The following DLG2 variants were observed in gnomAD, a reference collection of about 807,000 sequenced individuals.
DLG2 encodes the protein discs large MAGUK scaffold protein 2.
In DLG2, 45 loss-of-function variants were observed where a neutral mutation model predicts 132.5. The observed-to-expected ratio is 0.34, with a 90% CI of 0.27 to 0.44. The LOEUF (loss-of-function observed/expected upper bound fraction) is 0.44, where lower values mean the gene tolerates loss of function less well. DLG2 is among the 20% of genes least tolerant of loss of function. The pLI is 1.00. For missense variants in DLG2, 1,045 were observed against 1,196.9 expected (o/e 0.87, Z 1.87); for synonymous variants, 424 against 419.6 (o/e 1.01, Z -0.13).
At chr11:85,553,278 A>G (rs1161321947) in intron 3 of DLG2, among the ~76,000 whole-genome samples, 1 of 151,720 alleles carries the variant, frequency 6.6e-6, no homozygotes, top group African/African-American at 2.4e-5. Context: ...ATAAATACTT[A>G]TTAGGTACTT....
At chr11:85,469,161 TC>T (rs1197181829) in intron 3 of DLG2, among the ~76,000 whole-genome samples, 7 of 152,222 alleles carry the variant, frequency 4.6e-5, no homozygotes, top group African/African-American at 1.4e-4. Context: ...TCCTATCAGC[TC>T]CTCATTCTAA....
intron 15 of DLG2, among the ~76,000 whole-genome samples, chr11:83,885,720 G>T (rs1471509712): frequency 6.6e-6 from 1 of 152,202 alleles, no homozygotes; most frequent in Non-Finnish European, 1.5e-5. Flanking sequence ...TACCCACAAA[G>T]GGAAGCCCAT....
At chr11:84,667,480 T>G (rs36037373) in intron 6 of DLG2, among the ~76,000 whole-genome samples, 31,521 of 76,820 alleles carry the variant, frequency 0.41, 3,707 homozygotes, top group East Asian at 0.55. Context: ...TTTTTTTTGT[T>G]TTTGTTTTTT....
intron 6 of DLG2, among the ~76,000 whole-genome samples, chr11:85,049,345 G>A (rs1346272394): frequency 6.6e-6 from 1 of 151,970 alleles, no homozygotes; most frequent in Non-Finnish European, 1.5e-5. Flanking sequence ...ATTTCCGTGA[G>A]GGTAAAGATC....
At position 83,687,699 on chromosome 11, in the gene DLG2, C is replaced by T. The variant is rs2080065873; in HGVS notation, c.1826-54374G>A. Among the ~76,000 whole-genome samples, 3 of 151,912 alleles carry T rather than the reference C, an allele frequency of 2.0e-5. No homozygotes were observed. The South Asian group carries it at 6.2e-4, about 32-fold the overall frequency. ...GATAAAAAGTTGGCAATTCTGTGGC[C>T]TATAGAAGTTTGTTCTGAAATGTTT... On this transcript the variant is annotated intron_variant, in intron 18 of 27. Transcript: ENST00000376104.
chr11:84,341,703 T>C (rs1018636340), intron 7 of DLG2, among the ~76,000 whole-genome samples: 13 of 152,216 alleles, frequency 8.5e-5, no homozygotes, highest in African/African-American at 2.2e-4. Context: ...AGGTAAGGAA[T>C]AAAGTAAAAA....
At chr11:85,344,338 C>T (rs1422117562) in intron 3 of DLG2, among the ~76,000 whole-genome samples, 1 of 152,032 alleles carries the variant, frequency 6.6e-6, no homozygotes, top group Non-Finnish European at 1.5e-5. Context: ...AGAGATTGTC[C>T]CTAATTGCCA....
chr11:84,887,669 A>G (rs145909568), intron 6 of DLG2, among the ~76,000 whole-genome samples: 1 of 152,252 alleles, frequency 6.6e-6, no homozygotes, highest in African/African-American at 2.4e-5. Context: ...ATAATACTTT[A>G]TCAAGTACCA....
chr11:85,412,760 C>CACACACACACACACAT (rs756868795), intron 3 of DLG2, among the ~76,000 whole-genome samples: 48 of 113,264 alleles, frequency 4.2e-4, no homozygotes, highest in Middle Eastern at 4.5e-3. Flanking sequence ...CACACACACA[C>CACACACACACACACAT]ATATATATAT....
At chr11:85,313,751 A>G (rs966416619) in intron 3 of DLG2, among the ~76,000 whole-genome samples, 3 of 152,006 alleles carry the variant, frequency 2.0e-5, no homozygotes, top group Non-Finnish European at 4.4e-5. Context: ...GTTTCCTAAT[A>G]TGTAAAAGTT....
intron 10 of DLG2, among the ~76,000 whole-genome samples, chr11:84,069,877 A>C (rs1382712168): frequency 6.6e-6 from 1 of 152,232 alleles, no homozygotes; most frequent in Admixed American, 6.5e-5. Context: ...CCAAAGTGAG[A>C]GGGTCATGGG....
In DLG2 at chr11:83,755,796, TACGCA is replaced by T. The variant is rs2093620825; in HGVS notation, c.1825+30889_1825+30893del. Among the ~76,000 whole-genome samples the T allele has an allele frequency of 1.3e-5, 2 of 151,352 alleles. 1 individual carries two copies. Among genetic ancestry groups the T allele is most frequent in the African/African-American group, 4.9e-5 (2 of 40,680 alleles). ...AATAGGAAGTGACTATGGCGGTTAC[TACGCA>T]ATTAAGGTTAAGAGAATACAGATAT... On this transcript the variant is annotated intron_variant, in intron 18 of 27. Transcript: ENST00000376104.
At chr11:84,690,434 T>C (rs1018359818) in intron 6 of DLG2, among the ~76,000 whole-genome samples, 1 of 151,672 alleles carries the variant, frequency 6.6e-6, no homozygotes, top group African/African-American at 2.4e-5. Flanking sequence ...ATAAATTGTA[T>C]TTAAAAATAC....
chr11:84,168,826 T>TACAC (rs145846743), intron 8 of DLG2, among the ~76,000 whole-genome samples: 3,854 of 147,394 alleles, frequency 0.026, 48 homozygotes, highest in Non-Finnish European at 0.031. Context: ...CACACACACA[T>TACAC]ACACACACAC....
At chr11:84,489,488 T>C (rs75794764) in intron 7 of DLG2, among the ~76,000 whole-genome samples, 2,506 of 152,220 alleles carry the variant, frequency 0.016, 66 homozygotes, top group African/African-American at 0.045. Context: ...AAATATCCTA[T>C]AGCTCTCCAT....
chr11:83,506,464 C>T (rs1429011791), intron 21 of DLG2, among the ~76,000 whole-genome samples: 1 of 152,158 alleles, frequency 6.6e-6, no homozygotes, highest in Non-Finnish European at 1.5e-5. Context: ...ACACTCTCAA[C>T]CTCCCTCTAG....
chr11:85,498,452 G>A (rs1405254752), intron 3 of DLG2, among the ~76,000 whole-genome samples: 2 of 152,132 alleles, frequency 1.3e-5, no homozygotes, highest in Admixed American at 1.3e-4. Context: ...GACCTAAAAA[G>A]AGACTTAGAC....
intron 6 of DLG2, among the ~76,000 whole-genome samples, chr11:84,989,040 T>C (rs932410087): frequency 6.6e-6 from 1 of 151,986 alleles, no homozygotes; most frequent in African/African-American, 2.4e-5. Flanking sequence ...AAATTAGAAC[T>C]CCACATATTA....
intron 3 of DLG2, among the ~76,000 whole-genome samples, chr11:85,429,523 C>A (rs900145606): frequency 2.0e-5 from 3 of 152,068 alleles, no homozygotes; most frequent in African/African-American, 7.2e-5. Flanking sequence ...GAAAAAAACA[C>A]AACCCCACCA....
Sources: gnomAD v4.1 joint callset for allele counts (sites outside exome capture counted in the v4.1 genomes callset) on GRCh38, gnomAD v4.1.1 for gene constraint, MANE v1.5 for transcripts, NCBI Gene and HGNC (gene_info 2026-07-23, HGNC 2026-07-21) for gene names.